Variants in MDGA2 observed in about 807,000 individuals in gnomAD.
MDGA2 encodes MAM domain-containing glycosylphosphatidylinositol anchor protein 2.
In MDGA2, 40 loss-of-function variants were observed where a neutral mutation model predicts 117.8. The ratio of observed to expected loss-of-function variants is 0.34; its 90% CI spans 0.26 to 0.44. The LOEUF (loss-of-function observed/expected upper bound fraction) is 0.44. Ranked by LOEUF, MDGA2 falls within the 20% of genes least tolerant of loss-of-function variation. The pLI is 1.00. For missense variants in MDGA2, 1,123 were observed against 1,250.6 expected (o/e 0.90, Z 1.54); for synonymous variants, 452 against 439.0 (o/e 1.03, Z -0.37).
At chr14:47,128,033 C>T in intron 5 of MDGA2, among the ~76,000 whole-genome samples, 1 of 152,098 alleles carries the variant, frequency 6.6e-6, no homozygotes. Context: ...TGGAGTCAAT[C>T]TAGTCCCCAT....
At chr14:47,150,030 G>C (rs1883100000) in intron 3 of MDGA2, among the ~76,000 whole-genome samples, 1 of 152,164 alleles carries the variant, frequency 6.6e-6, no homozygotes, top group Admixed American at 6.5e-5. Context: ...TGGATCTGGT[G>C]GCCAGAATGG....
chr14:47,141,627 A>G (rs973746879), intron 4 of MDGA2, among the ~76,000 whole-genome samples: 1 of 152,194 alleles, frequency 6.6e-6, no homozygotes, highest in Non-Finnish European at 1.5e-5. Flanking sequence ...GTACAGAAAG[A>G]CAAATACTAT....
In MDGA2 at chr14:47,155,888, C is replaced by CTTTTTTTTTTTTTTTTTTTTT. The variant is rs55827732; in HGVS notation, c.596-11635_596-11615dup. On this transcript the variant is annotated intron_variant, in intron 3 of 16. Transcript: ENST00000399232. ...ATTCTTTTCTTTTCTTCTTCTTCTT[C>CTTTTTTTTTTTTTTTTTTTTT]TTTTTTTTTTTTTTTTTTTTTTTTT... Among the ~76,000 whole-genome samples the CTTTTTTTTTTTTTTTTTTTTT allele has an allele frequency of 3.2e-4, 13 of 40,180 alleles. 3 individuals are homozygous for CTTTTTTTTTTTTTTTTTTTTT. The highest frequency in any genetic ancestry group is 4.8e-4 in the Non-Finnish European group (11 of 23,066). 26.4% of individuals were successfully genotyped at this position (40,180 alleles called of 152,430 possible). A position where few individuals can be genotyped will look rare whatever the true frequency, so the allele number is the denominator to read the frequency against.
At chr14:47,222,832 A>C (rs927406649) in intron 2 of MDGA2, among the ~76,000 whole-genome samples, 8 of 152,228 alleles carry the variant, frequency 5.3e-5, no homozygotes, top group Non-Finnish European at 8.8e-5. Flanking sequence ...TTGTTCAAAG[A>C]GAAAATTAAA....
At chr14:47,129,559 C>T (rs1414650473) in intron 5 of MDGA2, among the ~76,000 whole-genome samples, 1 of 147,922 alleles carries the variant, frequency 6.8e-6, no homozygotes, top group African/African-American at 2.5e-5. Flanking sequence ...CATACGTGTG[C>T]ATGTGTCTTT....
chr14:47,667,053 G>A (rs774240924), intron 1 of MDGA2, among the ~76,000 whole-genome samples: 18 of 152,132 alleles, frequency 1.2e-4, no homozygotes, highest in Non-Finnish European at 1.9e-4. Context: ...TAACATCACC[G>A]CAAGGGTCCG....
intron 10 of MDGA2, among the ~76,000 whole-genome samples, chr14:46,910,821 G>A (rs1417419457): frequency 3.3e-5 from 5 of 152,102 alleles, no homozygotes; most frequent in African/African-American, 1.2e-4. Flanking sequence ...CCATAAAAAC[G>A]AATGCAATTA....
At chr14:47,156,180 T>C (rs900552578) in intron 3 of MDGA2, among the ~76,000 whole-genome samples, 4 of 152,026 alleles carry the variant, frequency 2.6e-5, no homozygotes, top group African/African-American at 9.7e-5. Context: ...AAGTGTGGAA[T>C]TATAGGCATA....
intron 1 of MDGA2, among the ~76,000 whole-genome samples, chr14:47,476,165 A>G (rs1282181333): frequency 6.6e-6 from 1 of 152,222 alleles, no homozygotes; most frequent in Non-Finnish European, 1.5e-5. Context: ...CAAATTATCA[A>G]AAGTATAACA....
rs111610093 is a variant in MDGA2, at chr14:47,365,599, T to C, written c.281-64049A>G. 9.1e-4 allele frequency among the ~76,000 whole-genome samples: 139 copies of C among 152,372 alleles called. 1 individual carries two copies. Among genetic ancestry groups the C allele is most frequent in the African/African-American group, 2.8e-3 (116 of 41,590 alleles). On this transcript the variant is annotated intron_variant, in intron 1 of 16. Transcript: ENST00000399232. The stretch of plus-strand genomic sequence containing the variant: ...TGATAAGGAAATAATATTCTCATTT[T>C]ATTCTCCTTTTTTTCCCCACATTAA...
At position 47,630,714 on chromosome 14, in the gene MDGA2, A is replaced by G. The variant is rs546242395; in HGVS notation, c.280+43803T>C. 5.9e-5 allele frequency among the ~76,000 whole-genome samples: 9 copies of G among 152,354 alleles called. No homozygotes were observed. In the South Asian group the frequency reaches 1.7e-3, roughly 28 times the overall value. ...GGAAGTAAGGACATCTAGAGTATCT[A>G]TTCTCTACCTGTTGCATTCCAATGA... On this transcript the variant is annotated intron_variant, in intron 1 of 16. Transcript: ENST00000399232.
At chr14:47,541,363 A>C (rs780714160) in intron 1 of MDGA2, among the ~76,000 whole-genome samples, 2 of 152,232 alleles carry the variant, frequency 1.3e-5, no homozygotes, top group Non-Finnish European at 2.9e-5. Flanking sequence ...AAATATGTCC[A>C]GAGGCAGAAA....
intron 8 of MDGA2, among the ~76,000 whole-genome samples, chr14:46,960,943 T>G (rs942159396): frequency 2.4e-5 from 3 of 123,956 alleles, no homozygotes; most frequent in African/African-American, 3.9e-5. Flanking sequence ...TATGCGTATA[T>G]ATATATACAC....
At chr14:47,272,573 C>T (rs1322847622) in intron 2 of MDGA2, among the ~76,000 whole-genome samples, 1 of 152,152 alleles carries the variant, frequency 6.6e-6, no homozygotes, top group African/African-American at 2.4e-5. Context: ...TAGAAGCAAT[C>T]CCCATATCAG....
intron 5 of MDGA2, among the ~76,000 whole-genome samples, chr14:47,110,168 A>G (rs915977286): frequency 9.3e-6 from 1 of 106,962 alleles, no homozygotes; most frequent in African/African-American, 4.4e-5. Flanking sequence ...ACCACTCCCA[A>G]AAAAAAAAAA....
chr14:46,930,875 G>C (rs1884543433), intron 9 of MDGA2, among the ~76,000 whole-genome samples: 1 of 151,962 alleles, frequency 6.6e-6, no homozygotes, highest in African/African-American at 2.4e-5. Flanking sequence ...ATCGGTTGAG[G>C]ATCTGAAAGG....
rs79206033 is a variant in MDGA2, at chr14:47,298,059, A to G, written c.420+3352T>C. ...AATATATGTGTGTATATATATCCAT[A>G]ATATAAATTTAACTCTCAAAAGGAT... On this transcript the variant is annotated intron_variant, in intron 2 of 16. Transcript: ENST00000399232. Among the ~76,000 whole-genome samples, 149 of 152,274 alleles carry G rather than the reference A, an allele frequency of 9.8e-4. No individual in the cohort carries two copies. The East Asian group carries it at 0.016, about 16-fold the overall frequency.
chr14:46,888,314 A>G (rs1483773081), intron 10 of MDGA2, among the ~76,000 whole-genome samples: 2 of 151,980 alleles, frequency 1.3e-5, no homozygotes. Context: ...AAACCCTCAG[A>G]GAAGATGGGT....
chr14:47,517,084 T>C (rs1894769023), intron 1 of MDGA2, among the ~76,000 whole-genome samples: 1 of 152,198 alleles, frequency 6.6e-6, no homozygotes, highest in African/African-American at 2.4e-5. Flanking sequence ...TATATGTCAA[T>C]AAATGTTTTC....
Sources: gnomAD v4.1 joint callset for allele counts (sites outside exome capture counted in the v4.1 genomes callset) on GRCh38, gnomAD v4.1.1 for gene constraint, MANE v1.5 for transcripts, NCBI Gene and HGNC (gene_info 2026-07-23, HGNC 2026-07-21) for gene names.